GBF1: variants seen among roughly 807,000 people sequenced by gnomAD.
GBF1 encodes Golgi-specific brefeldin A-resistance guanine nucleotide exchange factor 1.
GBF1 carries 114 observed loss-of-function variants against 210.5 expected under a neutral mutation model. The observed-to-expected ratio is 0.54, with a 90% confidence interval of 0.47 to 0.63. GBF1 has a LOEUF of 0.63. Among genes scored for constraint, GBF1 ranks in the 30% least tolerant of loss-of-function variants. The probability of loss-of-function intolerance (pLI) is 0.00; values close to 1 mark genes in which losing one functional copy is unlikely to be tolerated. For synonymous variants in GBF1, 850 were observed against 889.2 expected (o/e 0.96, Z 0.78); for missense variants, 1,851 against 2,357.7 (o/e 0.79, Z 4.45).
rs759208033 is a variant in GBF1 at position 102,377,033 on chromosome 10, C to G, written c.4387C>G (p.Pro1463Ala). Residue 1463 changes from proline to alanine, a missense_variant, in exon 33 of 40, where the codon CCT becomes GCT. This residue lies in a region of GBF1 where 967 missense variants were observed against 1,247.7 expected (regional missense o/e 0.78). Transcript: ENST00000369983. Reference protein sequence around the residue: ...KSKEGSMLRRPRTSSQHASRG... With the variant: ...KSKEGSMLRRARTSSQHASRG... Reference sequence around the variant, plus strand: ...CAAAGAGGGATCAATGCTTCGCCGGCCTCGAACCTCCAGCCAACATGCCTC... The same window carrying G: ...CAAAGAGGGATCAATGCTTCGCCGGGCTCGAACCTCCAGCCAACATGCCTC... 2 of 1,614,110 alleles carry G rather than the reference C, an allele frequency of 1.2e-6. No individual in the cohort carries two copies. The highest frequency in any genetic ancestry group is 3.3e-5 in the Admixed American group (2 of 60,030).
chr10:102,299,183 A>G (rs2077138827), intron 3 of GBF1, among the ~76,000 whole-genome samples: 1 of 152,214 alleles, frequency 6.6e-6, no homozygotes, highest in African/African-American at 2.4e-5. Context: ...ATAAGAAAGA[A>G]CTATTGATAC....
the GBF1 span, chr10:102,231,674 C>T: frequency 6.2e-7 from 1 of 1,612,282 alleles, no homozygotes; most frequent in Non-Finnish European, 8.5e-7. Context: ...TGGAAGGTCG[C>T]CTCTAGCTCC....
chr10:102,289,870 G>A (rs1400662583), intron 3 of GBF1, among the ~76,000 whole-genome samples: 7 of 152,206 alleles, frequency 4.6e-5, no homozygotes, highest in Non-Finnish European at 7.3e-5. Flanking sequence ...CACTTTGAGA[G>A]AGGCCTAGGC....
intron 3 of GBF1, among the ~76,000 whole-genome samples, chr10:102,284,436 C>T (rs2075772769): frequency 1.3e-5 from 2 of 152,170 alleles, no homozygotes; most frequent in South Asian, 4.1e-4. Flanking sequence ...TCCCCTCCAG[C>T]CCCTGGTAGC....
chr10:102,307,394 C>G (rs1014256784), intron 3 of GBF1, among the ~76,000 whole-genome samples: 14 of 132,824 alleles, frequency 1.1e-4, no homozygotes, highest in African/African-American at 3.4e-4. Context: ...TACATTTTTG[C>G]TTTTTGAAAG....
chr10:102,281,050 C>T (rs1411677205), intron 3 of GBF1, among the ~76,000 whole-genome samples: 1 of 152,098 alleles, frequency 6.6e-6, no homozygotes, highest in African/African-American at 2.4e-5. Flanking sequence ...CATGTTTCTA[C>T]ATTTGAAGTT....
At chr10:102,323,738 C>G (rs1161839612) in intron 3 of GBF1, among the ~76,000 whole-genome samples, 2 of 152,054 alleles carry the variant, frequency 1.3e-5, no homozygotes, top group Non-Finnish European at 2.9e-5. Flanking sequence ...AATTTCAGTA[C>G]CAAATAACTA....
rs146177416 is a variant in GBF1 at position 102,257,877 on chromosome 10, G to C, written c.-10-1052G>C. 5.6e-3 allele frequency among the ~76,000 whole-genome samples: 851 copies of C among 152,200 alleles called. 10 individuals carry two copies. Among genetic ancestry groups the C allele is most frequent in the African/African-American group, 0.02 (817 of 41,544 alleles). ...CCCAAAGTGCTAGGATTATAGGCAT[G>C]AGCCACCATGTCTGGCCAGAAATAT... On this transcript the variant is annotated intron_variant, in intron 1 of 39. Transcript: ENST00000369983.
intron 3 of GBF1, among the ~76,000 whole-genome samples, chr10:102,282,470 A>T (rs1222185160): frequency 1.3e-5 from 2 of 152,204 alleles, no homozygotes; most frequent in Non-Finnish European, 2.9e-5. Context: ...TGGGCCATTT[A>T]CTGAAGAGGA....
At chr10:102,231,417 A>G in the GBF1 span, among the ~76,000 whole-genome samples, 1 of 151,182 alleles carries the variant, frequency 6.6e-6, no homozygotes, top group Non-Finnish European at 1.5e-5. Context: ...CAGTGGGAGC[A>G]GAGGCTGGAG....
intron 3 of GBF1, among the ~76,000 whole-genome samples, chr10:102,272,112 AT>A (rs200740272): frequency 0.011 from 1,643 of 146,834 alleles, 23 homozygotes; most frequent in African/African-American, 0.037. Context: ...GCAATTGTTG[AT>A]TTTTTTTTTT....
intron 1 of GBF1, among the ~76,000 whole-genome samples, chr10:102,250,861 G>A (rs1160585087): frequency 6.6e-6 from 1 of 152,134 alleles, no homozygotes; most frequent in East Asian, 1.9e-4. Context: ...GGAGGCTGAG[G>A]CAGGAGAATC....
chr10:102,358,978 C>A (rs1216034745), intron 10 of GBF1: 4 of 588,274 alleles, frequency 6.8e-6, no homozygotes, highest in Admixed American at 6.1e-5. Flanking sequence ...AGGGAAGGAG[C>A]TGGCCATTGC....
At chr10:102,248,928 C>T (rs1047216137) in intron 1 of GBF1, among the ~76,000 whole-genome samples, 3 of 152,200 alleles carry the variant, frequency 2.0e-5, no homozygotes, top group Non-Finnish European at 2.9e-5. Context: ...AACCACCATG[C>T]TCAACCCATT....
chr10:102,272,972 T>C (rs1429983320), intron 3 of GBF1, among the ~76,000 whole-genome samples: 1 of 152,220 alleles, frequency 6.6e-6, no homozygotes, highest in Non-Finnish European at 1.5e-5. Flanking sequence ...TCTTTTGACA[T>C]GACATCTTTG....
At position 102,361,107 on chromosome 10, in the gene GBF1, A is replaced by C; in HGVS notation, c.1478A>C (p.Lys493Thr). 1 of 1,573,292 alleles carries C rather than the reference A, an allele frequency of 6.4e-7. No individual in the cohort carries two copies. The highest frequency in any genetic ancestry group is 8.8e-7 in the Non-Finnish European group (1 of 1,142,658). Reference sequence around the variant, plus strand: ...TTTGAGAGCATGCGAGAGCACCTCAAGTTCCAAATGGAGGTGAGTTTCTTG... The same window carrying C: ...TTTGAGAGCATGCGAGAGCACCTCACGTTCCAAATGGAGGTGAGTTTCTTG... The part of the protein sequence containing the change: ...LLFESMREHL[K>T]FQMEMYIKKL... The change falls in exon 13 of 40, where the codon AAG (lysine) becomes ACG (threonine). Residue 493 changes from lysine (K) to threonine (T), a missense_variant. By Grantham distance (78) the Lys-to-Thr change is moderately conservative. Around this residue, in one of 3 missense-constraint regions of GBF1, gnomAD observed 804 missense variants for 958.6 expected, o/e 0.84. Coordinates refer to ENST00000369983, the MANE Select transcript of GBF1 (RefSeq NM_001377137.1).
intron 3 of GBF1, among the ~76,000 whole-genome samples, chr10:102,328,638 A>G (rs906102071): frequency 3.3e-5 from 5 of 152,180 alleles, no homozygotes; most frequent in African/African-American, 1.2e-4. Flanking sequence ...GGTCCTATAC[A>G]CTGAAGGGAT....
chr10:102,314,496 G>C (rs1478329266), intron 3 of GBF1, among the ~76,000 whole-genome samples: 1 of 152,072 alleles, frequency 6.6e-6, no homozygotes, highest in Non-Finnish European at 1.5e-5. Flanking sequence ...CTTCCTTTAA[G>C]TTTTAAGAGT....
intron 3 of GBF1, among the ~76,000 whole-genome samples, chr10:102,326,984 C>A (rs1245032675): frequency 6.6e-6 from 1 of 152,142 alleles, no homozygotes; most frequent in Admixed American, 6.5e-5. Context: ...CCAGAGGCCC[C>A]CCTCCTTAAG....
Sources: gnomAD v4.1 joint callset for allele counts (sites outside exome capture counted in the v4.1 genomes callset) on GRCh38, gnomAD v4.1.1 for gene constraint, gnomAD v4.1.1 regional missense constraint, MANE v1.5 for transcripts, NCBI Gene and HGNC (gene_info 2026-07-23, HGNC 2026-07-21) for gene names.